Variants in OR5M1 observed in about 807,000 individuals in gnomAD.
OR5M1 encodes the protein olfactory receptor family 5 subfamily M member 1, also known as olfactory receptor 5M1.
For synonymous variants in OR5M1, 165 were observed against 144.2 expected (o/e 1.14, Z -1.04); for missense variants, 367 against 379.5 (o/e 0.97, Z 0.27).
chr11:56,612,734 A>G lies in OR5M1; in HGVS notation c.769T>C (p.Cys257Arg), dbSNP rs762460685. ...IVTLFYGTLF[C>R]MYVRPPSEKS... ...TCTGATGGAGGCCTTACGTACATGC[A>G]GAAGAGGGTTCCATAAAACAAAGTG... Residue 257 changes from cysteine to arginine, a missense_variant, in exon 2 of 2, where the codon TGC becomes CGC. Cys to Arg is a radical substitution (Grantham distance 180). Coordinates refer to ENST00000641076, the MANE Select transcript of OR5M1 (RefSeq NM_001004740.2). 1 of 1,613,802 alleles carries G rather than the reference A, an allele frequency of 6.2e-7. No individual in the cohort carries two copies. The highest frequency in any genetic ancestry group is 8.5e-7 in the Non-Finnish European group (1 of 1,179,776).
In OR5M1 at chr11:56,609,313, CATT is replaced by C. The variant is rs1853646592; in HGVS notation, c.*3239_*3241del. 1 of 151,818 alleles carries C rather than the reference CATT, an allele frequency of 6.6e-6. No individual in the cohort carries two copies. Among genetic ancestry groups the C allele is most frequent in the Non-Finnish European group, 1.5e-5 (1 of 67,806 alleles). 9.4% of individuals were successfully genotyped at this position (151,818 alleles called of 1,614,324 possible). The stretch of plus-strand genomic sequence containing the variant: ...ACATTTTTCCAAATAGAAATACAAA[CATT>C]ATTCATGCAAGAAATTATCAGCAAT... On this transcript the variant is annotated 3_prime_UTR_variant, in exon 2 of 2. Transcript: ENST00000641076.
At position 56,613,463 on chromosome 11, in the gene OR5M1, G is replaced by A. The variant is rs985856366; in HGVS notation, c.40C>T (p.Leu14Phe). Residue 14 changes from leucine (L) to phenylalanine (F), a missense_variant, in exon 2 of 2, where the codon CTC becomes TTC. By Grantham distance (22) the Leu-to-Phe change is conservative. Coordinates refer to ENST00000641076, the MANE Select transcript of OR5M1 (RefSeq NM_001004740.2). ...ACTGGGTCGTCTGTCAGTCCCAAGAGAATGAATTCTGTCACTATGGTGTGG... is the reference window on the plus strand; with the variant it reads ...ACTGGGTCGTCTGTCAGTCCCAAGAAAATGAATTCTGTCACTATGGTGTGG... Reference protein sequence around the residue: ...PNHTIVTEFILLGLTDDPVLE... With the variant: ...PNHTIVTEFIFLGLTDDPVLE... 1 of 1,613,610 alleles carries A rather than the reference G, an allele frequency of 6.2e-7. No individual in the cohort carries two copies. Among genetic ancestry groups the A allele is most frequent in the Middle Eastern group, 1.7e-4 (1 of 6,052 alleles).
At position 56,610,341 on chromosome 11, in the gene OR5M1, C is replaced by G. The variant is rs1241321902; in HGVS notation, c.*2214G>C. 6.6e-6 allele frequency: 1 copy of G among 152,044 alleles called. No homozygotes were observed. Among genetic ancestry groups the G allele is most frequent in the Non-Finnish European group, 1.5e-5 (1 of 67,940 alleles). The allele number at this position is 152,044 out of a possible 1,614,324, so 9.4% of individuals were successfully genotyped here. On this transcript the variant is annotated 3_prime_UTR_variant, in exon 2 of 2. Coordinates refer to ENST00000641076, the MANE Select transcript of OR5M1 (RefSeq NM_001004740.2). ...AATTTTCAAGGGAAATTCTCATTAG[C>G]TATTCTTAGGATACATATAACTATC...
chr11:56,613,745 CTATT>C (rs1291113916), intron 1 of OR5M1, among the ~76,000 whole-genome samples: 2 of 152,156 alleles, frequency 1.3e-5, no homozygotes, highest in East Asian at 3.8e-4. Context: ...TACATATTCT[CTATT>C]TCTCTCTGCC....
At chr11:56,614,333 T>C (rs12276247) in intron 1 of OR5M1, among the ~76,000 whole-genome samples, 65,551 of 151,982 alleles carry the variant, frequency 0.43, 14,882 homozygotes, top group East Asian at 0.69. Context: ...AGGCAAACCA[T>C]TTTTCTGTGA....
rs1398768348 is a variant in OR5M1 at position 56,609,338 on chromosome 11, C to T, written c.*3217G>A. 1.3e-5 allele frequency: 2 copies of T among 151,864 alleles called. No homozygotes were observed. Among genetic ancestry groups the T allele is most frequent in the Non-Finnish European group, 2.9e-5 (2 of 67,832 alleles). 9.4% of individuals were successfully genotyped at this position (151,864 alleles called of 1,614,324 possible). On this transcript the variant is annotated 3_prime_UTR_variant, in exon 2 of 2. Coordinates refer to ENST00000641076, the MANE Select transcript of OR5M1 (RefSeq NM_001004740.2). ...CATTATTCATGCAAGAAATTATCAG[C>T]AATAGCATGAAGAGAAATTATCAAC...
In OR5M1 at chr11:56,612,771, G is replaced by A. The variant is rs1349121042; in HGVS notation, c.732C>T (p.His244=). The A allele has an allele frequency of 1.2e-6, 2 of 1,613,702 alleles. No homozygotes were observed. The highest frequency in any genetic ancestry group is 1.7e-6 in the Non-Finnish European group (2 of 1,179,728). The stretch of plus-strand genomic sequence containing the variant: ...CATAAAACAAAGTGACTATTGTCAG[G>A]TGGGAAGCACACGTAGAAAAGGCTT... ...RHKAFSTCAS[H]LTIVTLFYGT... The change falls in exon 2 of 2, where the codon CAC becomes CAT. Residue 244 remains histidine (H), a synonymous_variant. Transcript: ENST00000641076.
Position 56,612,902 on chromosome 11 carries a change from C to A in OR5M1, c.601G>T (p.Val201Leu). 6.2e-7 allele frequency: 1 copy of A among 1,613,752 alleles called. No homozygotes were observed. The highest frequency in any genetic ancestry group is 8.5e-7 in the Non-Finnish European group (1 of 1,179,750). The change falls in exon 2 of 2, where the codon GTA becomes TTA. Residue 201 changes from valine (V) to leucine (L), a missense_variant. Val to Leu is a conservative substitution (Grantham distance 32). Transcript: ENST00000641076. ...CTTGAGAGATTAAAGCCTGCAACTA[C>A]AAACATTGCCATCTTTTTGACACGG... ...DTRVKKMAMF[V>L]VAGFNLSSSL... is the part of the protein sequence containing the mutation.
In OR5M1 at chr11:56,613,207, G is replaced by T. The variant is rs1166621349; in HGVS notation, c.296C>A (p.Thr99Lys). 1 of 1,613,794 alleles carries T rather than the reference G, an allele frequency of 6.2e-7. No homozygotes were observed. Among genetic ancestry groups the T allele is most frequent in the Admixed American group, 1.7e-5 (1 of 59,982 alleles). Residue 99 changes from threonine (T) to lysine (K), a missense_variant, in exon 2 of 2, where the codon ACA becomes AAA. Thr to Lys is a moderately conservative substitution (Grantham distance 78). Transcript: ENST00000641076. ...CAGGGCGATGAAGAGAAGACACTGTGTGAAGCATCCAGCGTAGGAGATGGT... is the reference window on the plus strand; with the variant it reads ...CAGGGCGATGAAGAGAAGACACTGTTTGAAGCATCCAGCGTAGGAGATGGT... Reference protein sequence around the residue: ...QKTISYAGCFTQCLLFIALVI... With the variant: ...QKTISYAGCFKQCLLFIALVI...
chr11:56,613,094 A>G lies in OR5M1; in HGVS notation c.409T>C (p.Ser137Pro). The change falls in exon 2 of 2, where the codon TCC (serine) becomes CCC (proline). Residue 137 changes from serine to proline, a missense_variant. Transcript: ENST00000641076. ...CSPLHYSSRM[S>P]KNICVCLVTI... is the part of the protein sequence containing the mutation. ...ACCAGACAGACACAGATGTTCTTGG[A>G]CATCCTGGAACTGTAATGCAAAGGG... 6 of 1,613,902 alleles carry G rather than the reference A, an allele frequency of 3.7e-6. No homozygotes were observed. Among genetic ancestry groups the G allele is most frequent in the South Asian group, 1.1e-5 (1 of 91,086 alleles).
Position 56,613,667 on chromosome 11 carries a change from T to C in OR5M1, c.-17-148A>G, listed in dbSNP as rs547611968. 68 of 666,806 alleles carry C rather than the reference T, an allele frequency of 1.0e-4. No individual in the cohort carries two copies. The South Asian group carries it at 1.2e-3, about 11-fold the overall frequency. The allele number at this position is 666,806 out of a possible 1,614,324, so 41.3% of individuals were successfully genotyped here. The stretch of plus-strand genomic sequence containing the variant: ...TCACATCGGAAATTTTACATAACAT[T>C]GTCTCCCTATATGTCTGTTTTAATC... On this transcript the variant is annotated intron_variant, in intron 1 of 1. Transcript: ENST00000641076.
chr11:56,614,800 C>CAG (rs1287214959), intron 1 of OR5M1, 57 bp downstream of exon 1: 2 of 151,832 alleles, frequency 1.3e-5, no homozygotes, highest in Non-Finnish European at 2.9e-5. Context: ...CACACACACA[C>CAG]ACACACACAC....
intron 1 of OR5M1, 63 bp from the exon 2 acceptor site, chr11:56,613,582 T>G: frequency 7.6e-7 from 1 of 1,315,920 alleles, no homozygotes; most frequent in South Asian, 1.4e-5. Flanking sequence ...GTTTCATCCA[T>G]TTATCATTCG....
chr11:56,613,114 A>C lies in OR5M1; in HGVS notation c.389T>G (p.Leu130Trp), dbSNP rs762016991. 1 of 1,613,772 alleles carries C rather than the reference A, an allele frequency of 6.2e-7. No homozygotes were observed. The highest frequency in any genetic ancestry group is 1.3e-5 in the African/African-American group (1 of 74,914). ...CTTGGACATCCTGGAACTGTAATGC[A>C]AAGGGCTGCAAATGGCTACATAGCG... is the stretch of plus-strand genomic sequence containing the variant. ...LDRYVAICSP[L>W]HYSSRMSKNI... Residue 130 changes from leucine (L) to tryptophan (W), a missense_variant, in exon 2 of 2, where the codon TTG becomes TGG. Coordinates refer to ENST00000641076, the MANE Select transcript of OR5M1 (RefSeq NM_001004740.2).
rs539662688 is a variant in OR5M1, at chr11:56,612,894, T to C, written c.609A>G (p.Ala203=). ...RVKKMAMFVV[A]GFNLSSSLFI... ...AGAGAGAGCTTGAGAGATTAAAGCCTGCAACTACAAACATTGCCATCTTTT... is the reference window on the plus strand; with the variant it reads ...AGAGAGAGCTTGAGAGATTAAAGCCCGCAACTACAAACATTGCCATCTTTT... The change falls in exon 2 of 2, where the codon GCA becomes GCG. Residue 203 remains alanine (A), a synonymous_variant. Coordinates refer to ENST00000641076, the MANE Select transcript of OR5M1 (RefSeq NM_001004740.2). 1.2e-5 allele frequency: 19 copies of C among 1,613,632 alleles called. No homozygotes were observed. The highest frequency in any genetic ancestry group is 1.4e-5 in the Non-Finnish European group (16 of 1,179,748).
Position 56,613,198 on chromosome 11 carries a change from A to G in OR5M1, c.305T>C (p.Leu102Pro). Residue 102 changes from leucine (L) to proline (P), a missense_variant, in exon 2 of 2, where the codon CTT (leucine) becomes CCT (proline). Leu to Pro is a moderately conservative substitution (Grantham distance 98). Coordinates refer to ENST00000641076, the MANE Select transcript of OR5M1 (RefSeq NM_001004740.2). ...AGTGATCACCAGGGCGATGAAGAGA[A>G]GACACTGTGTGAAGCATCCAGCGTA... ...ISYAGCFTQC[L>P]LFIALVITEF... is the part of the protein sequence containing the mutation. 6.2e-7 allele frequency: 1 copy of G among 1,613,840 alleles called. No individual in the cohort carries two copies. Among genetic ancestry groups the G allele is most frequent in the Middle Eastern group, 1.7e-4 (1 of 6,058 alleles).
rs374206092 is a variant in OR5M1, at chr11:56,613,079, C to T, written c.424G>A (p.Val142Ile). 11 of 1,606,704 alleles carry T rather than the reference C, an allele frequency of 6.8e-6. No homozygotes were observed. The highest frequency in any genetic ancestry group is 8.5e-6 in the Non-Finnish European group (10 of 1,174,304). The change falls in exon 2 of 2, where the codon GTC (valine) becomes ATC (isoleucine). Residue 142 changes from valine (V) to isoleucine (I), a missense_variant. Val to Ile is a conservative substitution (Grantham distance 29). Transcript: ENST00000641076. Reference sequence around the variant, plus strand: ...ATGTAAGGGATAGTGACCAGACAGACACAGATGTTCTTGGACATCCTGGAA... The same window carrying T: ...ATGTAAGGGATAGTGACCAGACAGATACAGATGTTCTTGGACATCCTGGAA... ...YSSRMSKNIC[V>I]CLVTIPYMYG...
intron 1 of OR5M1, among the ~76,000 whole-genome samples, chr11:56,614,073 A>T (rs1385861970): frequency 1.3e-5 from 2 of 152,198 alleles, no homozygotes; most frequent in Non-Finnish European, 2.9e-5. Context: ...AACTAGAGAA[A>T]TTAATTTCTA....
rs566480800 is a variant in OR5M1, at chr11:56,612,766, G to A, written c.737C>T (p.Thr246Ile). The A allele has an allele frequency of 3.7e-6, 6 of 1,613,676 alleles. No individual in the cohort carries two copies. In the East Asian group the frequency reaches 1.3e-4, roughly 36 times the overall value. ...GGTTCCATAAAACAAAGTGACTATT[G>A]TCAGGTGGGAAGCACACGTAGAAAA... ...KAFSTCASHL[T>I]IVTLFYGTLF... The change falls in exon 2 of 2, where the codon ACA becomes ATA. Residue 246 changes from threonine (T) to isoleucine (I), a missense_variant. Transcript: ENST00000641076.
Sources: allele counts gnomAD v4.1 joint callset (sites outside exome capture counted in the v4.1 genomes callset), GRCh38; gene constraint gnomAD v4.1.1; transcripts MANE v1.5; gene names NCBI Gene and HGNC (gene_info 2026-07-23, HGNC 2026-07-21).